The following IKZF3 variants were observed in gnomAD, a reference collection of about 807,000 sequenced individuals.
The protein encoded by IKZF3 is IKAROS family zinc finger 3.
Under a neutral mutation model 49.0 loss-of-function variants are expected in IKZF3, and 10 were observed. That is an observed-to-expected ratio of 0.20 (90% CI 0.13 to 0.35). The LOEUF is 0.35. Ranked by LOEUF, IKZF3 falls within the 10% of genes least tolerant of loss-of-function variation. The probability of loss-of-function intolerance (pLI) is 1.00; values close to 1 mark genes in which losing one functional copy is unlikely to be tolerated. For synonymous variants in IKZF3, 209 were observed against 228.2 expected (o/e 0.92, Z 0.76); for missense variants, 498 against 664.8 (o/e 0.75, Z 2.76).
At chr17:39,817,801 T>C (rs1383047214) in intron 3 of IKZF3, among the ~76,000 whole-genome samples, 2 of 152,222 alleles carry the variant, frequency 1.3e-5, no homozygotes, top group African/African-American at 2.4e-5. Flanking sequence ...CAAACATATA[T>C]GACCCAGATT....
At chr17:39,839,584 C>G (rs1301801962) in intron 1 of IKZF3, 5 of 466,252 alleles carry the variant, frequency 1.1e-5, no homozygotes. Flanking sequence ...AGGACTGTTT[C>G]TTTATTTTTA....
At position 39,795,482 on chromosome 17, in the gene IKZF3, C is replaced by T. The variant is rs115902058; in HGVS notation, c.164-2549G>A. Among the ~76,000 whole-genome samples, 743 of 152,284 alleles carry T rather than the reference C, an allele frequency of 4.9e-3. 7 individuals are homozygous for T. The highest frequency in any genetic ancestry group is 0.017 in the African/African-American group (720 of 41,566). ...GGAGTGTAGTGGCACGATCAGCTCA[C>T]TGCCACCTCTGCTTCCCAGGTTCAA... On this transcript the variant is annotated intron_variant, in intron 3 of 7. Coordinates refer to ENST00000346872, the MANE Select transcript of IKZF3 (RefSeq NM_012481.5).
At chr17:39,805,106 C>T (rs569387362) in intron 3 of IKZF3, among the ~76,000 whole-genome samples, 3 of 152,292 alleles carry the variant, frequency 2.0e-5, no homozygotes, top group African/African-American at 7.2e-5. Flanking sequence ...TCCCCGTTGT[C>T]CTCTCTACAT....
At chr17:39,768,904 A>C (rs1049347755) in intron 7 of IKZF3, among the ~76,000 whole-genome samples, 2 of 152,214 alleles carry the variant, frequency 1.3e-5, no homozygotes, top group African/African-American at 4.8e-5. Context: ...TTTTGATCGG[A>C]TACTACTGTG....
At chr17:39,838,092 T>G (rs1363131805) in intron 1 of IKZF3, among the ~76,000 whole-genome samples, 1 of 152,228 alleles carries the variant, frequency 6.6e-6, no homozygotes, top group African/African-American at 2.4e-5. Context: ...AGCTGTAATT[T>G]TATTTGCATA....
intron 1 of IKZF3, among the ~76,000 whole-genome samples, chr17:39,860,659 T>C (rs938867131): frequency 2.6e-5 from 4 of 151,334 alleles, no homozygotes; most frequent in Non-Finnish European, 4.4e-5. Context: ...AGCTAAACAC[T>C]GGGTACACAT....
intron 3 of IKZF3, among the ~76,000 whole-genome samples, chr17:39,806,276 C>G (rs2061430357): frequency 6.6e-6 from 1 of 152,120 alleles, no homozygotes; most frequent in African/African-American, 2.4e-5. Context: ...GACCTTGAGA[C>G]AGGCAAAGAT....
chr17:39,839,306 T>C (rs1451542820), intron 1 of IKZF3: 1 of 464,744 alleles, frequency 2.2e-6, no homozygotes, highest in Non-Finnish European at 4.0e-6. Context: ...TTCAGCTTGA[T>C]ATGGTAACAT....
At chr17:39,821,138 A>G (rs770502896) in intron 3 of IKZF3, among the ~76,000 whole-genome samples, 1 of 152,162 alleles carries the variant, frequency 6.6e-6, no homozygotes, top group Non-Finnish European at 1.5e-5. Flanking sequence ...AGTTGGAAGA[A>G]GTGTGGGTCA....
intron 1 of IKZF3, chr17:39,835,037 C>A: frequency 2.4e-6 from 1 of 411,258 alleles, no homozygotes; most frequent in Non-Finnish European, 4.7e-6. Context: ...CAACCACAGC[C>A]CTAGAGAAGC....
chr17:39,831,310 G>A (rs1306873487), intron 2 of IKZF3, among the ~76,000 whole-genome samples: 1 of 150,848 alleles, frequency 6.6e-6, no homozygotes, highest in Non-Finnish European at 1.5e-5. Flanking sequence ...GGAGGCTAAG[G>A]TTGTGGTGAG....
chr17:39,813,686 A>G (rs1305930239), intron 3 of IKZF3, among the ~76,000 whole-genome samples: 1 of 152,016 alleles, frequency 6.6e-6, no homozygotes, highest in Non-Finnish European at 1.5e-5. Context: ...CATCAACAGA[A>G]CTTACCCGTT....
intron 1 of IKZF3, among the ~76,000 whole-genome samples, chr17:39,833,280 T>G (rs2062168533): frequency 1.3e-5 from 2 of 152,194 alleles, no homozygotes; most frequent in African/African-American, 4.8e-5. Context: ...TTACATACAG[T>G]GATATGCATG....
rs2143462482 is a variant in IKZF3 at position 39,758,131 on chromosome 17, A to C, written c.*7659T>G. 1 of 152,362 alleles carries C rather than the reference A, an allele frequency of 6.6e-6. No individual in the cohort carries two copies. The highest frequency in any genetic ancestry group is 2.1e-4 in the South Asian group (1 of 4,828). The allele number at this position is 152,362 out of a possible 1,614,324, so 9.4% of individuals were successfully genotyped here. On this transcript the variant is annotated 3_prime_UTR_variant, in exon 8 of 8. Transcript: ENST00000346872. ...CAGACAATGGTCATCCACAGACCAC[A>C]CGTGTGGTGGCTTTGGCAACCAGAA...
chr17:39,797,288 T>C (rs948223597), intron 3 of IKZF3, among the ~76,000 whole-genome samples: 1 of 152,168 alleles, frequency 6.6e-6, no homozygotes, highest in Admixed American at 6.5e-5. Context: ...CCCTTGAATA[T>C]CACCAACCAT....
chr17:39,761,043 C>T lies in IKZF3; in HGVS notation c.*4747G>A, dbSNP rs549463413. On this transcript the variant is annotated 3_prime_UTR_variant, in exon 8 of 8. Transcript: ENST00000346872. ...GGTGGTGTGCCTATAGTCCCAGCTA[C>T]TTGGGAGGCTGAGGTAGGAGGATTG... 6.6e-6 allele frequency: 1 copy of T among 152,284 alleles called. No individual in the cohort carries two copies. Among genetic ancestry groups the T allele is most frequent in the Non-Finnish European group, 1.5e-5 (1 of 68,048 alleles). The allele number at this position is 152,284 out of a possible 1,614,324, so 9.4% of individuals were successfully genotyped here. A position where few individuals can be genotyped will look rare whatever the true frequency, so the allele number is the denominator to read the frequency against.
intron 4 of IKZF3, among the ~76,000 whole-genome samples, chr17:39,792,458 C>CT (rs1432834960): frequency 1.3e-5 from 2 of 152,142 alleles, no homozygotes; most frequent in African/African-American, 2.4e-5. Flanking sequence ...TCTCTACAGT[C>CT]TTTTTTTATT....
chr17:39,855,759 A>G (rs888551991), intron 1 of IKZF3, among the ~76,000 whole-genome samples: 11 of 152,180 alleles, frequency 7.2e-5, no homozygotes, highest in African/African-American at 2.4e-4. Flanking sequence ...ATTTCAGAAC[A>G]GTTTTTAATT....
chr17:39,840,500 C>T (rs1222712361), intron 1 of IKZF3, among the ~76,000 whole-genome samples: 4 of 152,160 alleles, frequency 2.6e-5, no homozygotes, highest in Non-Finnish European at 5.9e-5. Flanking sequence ...TATTCCATTA[C>T]AGAAATTAAA....
Sources: allele counts gnomAD v4.1 joint callset (sites outside exome capture counted in the v4.1 genomes callset), GRCh38; gene constraint gnomAD v4.1.1; transcripts MANE v1.5; gene names NCBI Gene and HGNC (gene_info 2026-07-23, HGNC 2026-07-21).